Variants in CHLSN observed in about 807,000 individuals in gnomAD.
The protein encoded by CHLSN is protein cholesin.
chr7:1,069,352 C>T, the CHLSN span, among the ~76,000 whole-genome samples: 167 of 114,724 alleles, frequency 1.5e-3, 4 homozygotes, highest in South Asian at 0.042. Flanking sequence ...AATAGCTCTC[C>T]CTCTCCCCTC....
the CHLSN span, among the ~76,000 whole-genome samples, chr7:1,040,596 A>T: frequency 1.3e-5 from 2 of 152,232 alleles, no homozygotes; most frequent in Non-Finnish European, 2.9e-5. Context: ...TAAAACTTTG[A>T]TAAGAAAATG....
chr7:1,135,960 T>TATAA, the CHLSN span, among the ~76,000 whole-genome samples: 1 of 116,960 alleles, frequency 8.5e-6, no homozygotes, highest in Non-Finnish European at 1.6e-5. Context: ...TATATATAAA[T>TATAA]ATATATAAGT....
At chr7:1,006,054 ACT>A in the CHLSN span, among the ~76,000 whole-genome samples, 1 of 152,046 alleles carries the variant, frequency 6.6e-6, no homozygotes, top group East Asian at 1.9e-4. Flanking sequence ...ATATAAATAA[ACT>A]CTTTTTTCTC....
the CHLSN span, among the ~76,000 whole-genome samples, chr7:999,748 C>A: frequency 6.6e-6 from 1 of 152,234 alleles, no homozygotes; most frequent in Non-Finnish European, 1.5e-5. Flanking sequence ...CAAAGCCTGG[C>A]CTCTAGTAAC....
the CHLSN span, among the ~76,000 whole-genome samples, chr7:1,121,075 G>A: frequency 2.0e-5 from 3 of 152,166 alleles, no homozygotes; most frequent in African/African-American, 7.2e-5. Flanking sequence ...ACGGGGCAGC[G>A]TGGCCGGCAG....
chr7:998,230 G>A, the CHLSN span, among the ~76,000 whole-genome samples: 3 of 152,204 alleles, frequency 2.0e-5, no homozygotes, highest in Admixed American at 1.3e-4. Context: ...CCTGACCCTT[G>A]TCTGCTGGTG....
chr7:983,866 C>T, the CHLSN span, among the ~76,000 whole-genome samples: 29 of 152,206 alleles, frequency 1.9e-4, no homozygotes, highest in South Asian at 4.1e-4. Context: ...ACAGAGGGTA[C>T]GGGGACACGG....
chr7:987,393 TC>T, the CHLSN span: 1 of 1,595,180 alleles, frequency 6.3e-7, no homozygotes. Context: ...CTGGGCGGAC[TC>T]CCCGGCTGGA....
chr7:1,052,530 A>G, the CHLSN span, among the ~76,000 whole-genome samples: 1 of 151,940 alleles, frequency 6.6e-6, no homozygotes, highest in African/African-American at 2.4e-5. This position sits in a 1 kb window ranked among gnomAD's most constrained non-coding sequence, Gnocchi z 4.2. Flanking sequence ...CTGGCGGAAG[A>G]AGTGGGGGAG....
the CHLSN span, among the ~76,000 whole-genome samples, chr7:1,115,340 C>G: frequency 2.6e-5 from 4 of 152,370 alleles, no homozygotes; most frequent in Admixed American, 2.6e-4. Context: ...CGCCCCACCA[C>G]AGACCCAGCC....
the CHLSN span, chr7:987,371 G>T: frequency 6.9e-6 from 11 of 1,591,646 alleles, no homozygotes; most frequent in African/African-American, 2.7e-5. Context: ...GAGCTAGACC[G>T]CGTGCTGGGC....
the CHLSN span, among the ~76,000 whole-genome samples, chr7:1,095,468 T>C: frequency 6.6e-6 from 1 of 151,804 alleles, no homozygotes; most frequent in Non-Finnish European, 1.5e-5. Context: ...GCGGGGTGGG[T>C]GCTCTACCAC....
At chr7:984,510 C>T in the CHLSN span, 35 of 1,552,128 alleles carry the variant, frequency 2.3e-5, no homozygotes, top group Non-Finnish European at 2.9e-5. Flanking sequence ...CGCTGGCGGG[C>T]CCCGGGCAGG....
chr7:1,008,957 G>T, the CHLSN span, among the ~76,000 whole-genome samples: 1 of 149,356 alleles, frequency 6.7e-6, no homozygotes, highest in Non-Finnish European at 1.5e-5. Context: ...CCCCTCATGC[G>T]AACACACATG....
the CHLSN span, chr7:985,218 C>T: frequency 1.6e-5 from 25 of 1,557,564 alleles, no homozygotes; most frequent in South Asian, 4.7e-5. Flanking sequence ...ATATCACCTT[C>T]GCGCTCCTCT....
the CHLSN span, among the ~76,000 whole-genome samples, chr7:1,041,309 G>GCGCTGCGGAGAAGGGGACCTGGGC: frequency 2.3e-5 from 1 of 43,250 alleles, no homozygotes; most frequent in Non-Finnish European, 4.8e-5. Flanking sequence ...GGGACCTGGG[G>GCGCTGCGGAGAAGGGGACCTGGGC]TCCGCGCTGC....
the CHLSN span, among the ~76,000 whole-genome samples, chr7:992,502 C>T: frequency 6.6e-6 from 1 of 152,320 alleles, no homozygotes; most frequent in Non-Finnish European, 1.5e-5. Flanking sequence ...CCAAGTGACC[C>T]AAGGGAGCTG....
chr7:1,076,408 T>C, the CHLSN span, among the ~76,000 whole-genome samples: 4 of 152,192 alleles, frequency 2.6e-5, no homozygotes, highest in African/African-American at 7.2e-5. Context: ...CGCAGGAGGC[T>C]GGGGAGCACC....
the CHLSN span, among the ~76,000 whole-genome samples, chr7:1,104,573 C>T: frequency 6.6e-6 from 1 of 152,184 alleles, no homozygotes; most frequent in Non-Finnish European, 1.5e-5. Context: ...CCCGAGGGGC[C>T]CATGCAGCTT....
Sources: allele counts gnomAD v4.1 joint callset (sites outside exome capture counted in the v4.1 genomes callset), GRCh38; gene constraint gnomAD v4.1.1; non-coding constraint Gnocchi (gnomAD v3.1); transcripts MANE v1.5; gene names NCBI Gene and HGNC (gene_info 2026-07-23, HGNC 2026-07-21).